The following FSTL5 variants were observed in gnomAD, a reference collection of about 807,000 sequenced individuals.
FSTL5 encodes follistatin like 5.
FSTL5 carries 62 observed loss-of-function variants against 89.1 expected under a neutral mutation model. That is an observed-to-expected ratio of 0.70 (90% CI 0.57 to 0.86). The LOEUF (loss-of-function observed/expected upper bound fraction) is 0.86, where lower values mean the gene tolerates loss of function less well. Among genes scored for constraint, FSTL5 ranks in the 40% least tolerant of loss-of-function variants. The pLI, the probability that FSTL5 is intolerant of heterozygous loss-of-function variation, is 0.00. For synonymous variants in FSTL5, 383 were observed against 346.2 expected, an observed-to-expected ratio of 1.11 and a Z score of -1.18; for missense variants, 1,057 against 1,001.6, an observed-to-expected ratio of 1.06 and a Z score of -0.75.
intron 2 of FSTL5, among the ~76,000 whole-genome samples, chr4:162,072,357 C>T (rs1004335261): frequency 2.0e-5 from 3 of 151,664 alleles, no homozygotes; most frequent in Non-Finnish European, 4.4e-5. Flanking sequence ...TTTTGTTATT[C>T]TTCCAGACTA....
At chr4:161,484,525 C>A (rs577815046) in intron 12 of FSTL5, among the ~76,000 whole-genome samples, 2 of 152,268 alleles carry the variant, frequency 1.3e-5, no homozygotes, top group Admixed American at 6.5e-5. Context: ...ATTTCCATTT[C>A]AATCATCCAT....
At chr4:161,895,407 A>T (rs937953832) in intron 4 of FSTL5, among the ~76,000 whole-genome samples, 1 of 152,164 alleles carries the variant, frequency 6.6e-6, no homozygotes, top group African/African-American at 2.4e-5. Flanking sequence ...GCTCAATTAC[A>T]TTGCAAGACT....
intron 4 of FSTL5, among the ~76,000 whole-genome samples, chr4:161,801,489 T>C (rs13121452): frequency 0.99 from 149,284 of 151,400 alleles, 73,627 homozygotes; most frequent in South Asian, 1. Flanking sequence ...GGCAATTTCA[T>C]GAGAGCCTTC....
At chr4:161,798,943 T>C (rs1376417822) in intron 4 of FSTL5, among the ~76,000 whole-genome samples, 2 of 151,632 alleles carry the variant, frequency 1.3e-5, no homozygotes, top group African/African-American at 2.4e-5. Context: ...AGGGAAATTA[T>C]GAGGCGCTAA....
chr4:161,612,006 G>T (rs1734672653), intron 7 of FSTL5, among the ~76,000 whole-genome samples: 1 of 152,226 alleles, frequency 6.6e-6, no homozygotes, highest in Non-Finnish European at 1.5e-5. Context: ...GGTTGTTACT[G>T]GAGGATCCAC....
At chr4:162,137,202 A>T (rs1024758333) in intron 1 of FSTL5, among the ~76,000 whole-genome samples, 1 of 152,130 alleles carries the variant, frequency 6.6e-6, no homozygotes, top group African/African-American at 2.4e-5. Context: ...TATTTTCCAC[A>T]AAATAAATAC....
intron 15 of FSTL5, among the ~76,000 whole-genome samples, chr4:161,426,504 A>G (rs1343546988): frequency 6.6e-6 from 1 of 152,192 alleles, no homozygotes; most frequent in Non-Finnish European, 1.5e-5. Context: ...TAGGAAGATG[A>G]GTGTTTTGGT....
At chr4:161,607,419 A>G (rs772876050) in intron 7 of FSTL5, among the ~76,000 whole-genome samples, 2 of 152,166 alleles carry the variant, frequency 1.3e-5, no homozygotes, top group African/African-American at 4.8e-5. Flanking sequence ...GCTGAAATAT[A>G]TATAATACTA....
At chr4:161,621,246 G>C (rs2126646129) in intron 7 of FSTL5, among the ~76,000 whole-genome samples, 1 of 147,484 alleles carries the variant, frequency 6.8e-6, no homozygotes, top group South Asian at 2.2e-4. Context: ...CTAAATAGTA[G>C]GGATATGGGG....
intron 3 of FSTL5, among the ~76,000 whole-genome samples, chr4:161,993,027 T>G (rs1305461287): frequency 2.0e-5 from 3 of 148,510 alleles, no homozygotes; most frequent in African/African-American, 7.4e-5. Context: ...CGGAGGGGTG[T>G]GGAGGGGCAT....
At chr4:161,883,094 G>A (rs1732686252) in intron 4 of FSTL5, among the ~76,000 whole-genome samples, 1 of 152,130 alleles carries the variant, frequency 6.6e-6, no homozygotes. Flanking sequence ...AAACCATATA[G>A]TATTCTGGGA....
intron 8 of FSTL5, among the ~76,000 whole-genome samples, chr4:161,559,848 C>T (rs554038109): frequency 6.6e-6 from 1 of 151,792 alleles, no homozygotes; most frequent in Non-Finnish European, 1.5e-5. Context: ...ATGCTATAGC[C>T]TATTTACACA....
intron 1 of FSTL5, among the ~76,000 whole-genome samples, chr4:162,158,115 CG>C: frequency 6.6e-6 from 1 of 151,996 alleles, no homozygotes; most frequent in East Asian, 1.9e-4. Context: ...TGAAGGATTA[CG>C]TATGAGTAGC....
At chr4:161,849,156 C>T (rs80312048) in intron 4 of FSTL5, among the ~76,000 whole-genome samples, 11,800 of 152,034 alleles carry the variant, frequency 0.078, 529 homozygotes, top group African/African-American at 0.12. Flanking sequence ...ATAAATTTTC[C>T]TGGGCAAATC....
intron 6 of FSTL5, among the ~76,000 whole-genome samples, chr4:161,693,703 A>G (rs1579026595): frequency 7.6e-6 from 1 of 131,712 alleles, no homozygotes; most frequent in Admixed American, 9.3e-5. Context: ...CAGTGGCGCG[A>G]TCTCAGCTCA....
At chr4:161,997,286 T>A (rs1736322986) in intron 3 of FSTL5, among the ~76,000 whole-genome samples, 2 of 152,174 alleles carry the variant, frequency 1.3e-5, no homozygotes, top group African/African-American at 4.8e-5. Context: ...TCCTTATTGT[T>A]TTTCCAATAT....
At chr4:161,430,610 G>C (rs1451962535) in intron 15 of FSTL5, among the ~76,000 whole-genome samples, 1 of 152,092 alleles carries the variant, frequency 6.6e-6, no homozygotes, top group Non-Finnish European at 1.5e-5. Flanking sequence ...CGTGGTAGTG[G>C]GCGCCTGTAG....
intron 6 of FSTL5, among the ~76,000 whole-genome samples, chr4:161,741,681 ATTT>A (rs367947098): frequency 2.9e-5 from 3 of 104,664 alleles, no homozygotes; most frequent in African/African-American, 9.8e-5. Flanking sequence ...GAGAAGTATG[ATTT>A]TTTTTTTTTT....
intron 4 of FSTL5, among the ~76,000 whole-genome samples, chr4:161,829,808 T>C (rs1730787530): frequency 6.6e-6 from 1 of 152,114 alleles, no homozygotes; most frequent in Admixed American, 6.6e-5. Context: ...ATACACAGAA[T>C]GTCTTCAAAT....
Sources: gnomAD v4.1 joint callset for allele counts (sites outside exome capture counted in the v4.1 genomes callset) on GRCh38, gnomAD v4.1.1 for gene constraint, MANE v1.5 for transcripts, NCBI Gene and HGNC (gene_info 2026-07-23, HGNC 2026-07-21) for gene names.